The following SEMA3A variants were observed in gnomAD, a reference collection of about 807,000 sequenced individuals.
The protein encoded by SEMA3A is semaphorin-3A.
SEMA3A carries 29 observed loss-of-function variants against 97.9 expected under a neutral mutation model. That is an observed-to-expected ratio of 0.30 (90% CI 0.22 to 0.40). The LOEUF is 0.40. Ranked by LOEUF, SEMA3A falls within the 10% of genes least tolerant of loss-of-function variation. The probability of loss-of-function intolerance (pLI) is 1.00; values close to 1 mark genes in which losing one functional copy is unlikely to be tolerated. For synonymous variants in SEMA3A, 321 were observed against 323.7 expected, an observed-to-expected ratio of 0.99 and a Z score of 0.09; for missense variants, 763 against 951.3, an observed-to-expected ratio of 0.80 and a Z score of 2.60.
intron 2 of SEMA3A, among the ~76,000 whole-genome samples, chr7:84,369,529 G>A (rs1409394868): frequency 6.6e-6 from 1 of 151,062 alleles, no homozygotes; most frequent in Non-Finnish European, 1.5e-5. Context: ...GTCTTCAGAT[G>A]ATTATATTGA....
chr7:84,173,287 G>A (rs944995530), intron 1 of SEMA3A, among the ~76,000 whole-genome samples: 9 of 151,998 alleles, frequency 5.9e-5, no homozygotes, highest in African/African-American at 2.2e-4. Flanking sequence ...CAGGCGCGGT[G>A]GCTCACGTCC....
chr7:84,450,123 G>A (rs1020951465), intron 1 of SEMA3A, among the ~76,000 whole-genome samples: 5 of 152,068 alleles, frequency 3.3e-5, no homozygotes, highest in Non-Finnish European at 5.9e-5. Context: ...GGGTCATAAG[G>A]TAGTTTTATA....
intron 2 of SEMA3A, among the ~76,000 whole-genome samples, chr7:84,319,645 G>A (rs1801598689): frequency 1.3e-5 from 2 of 151,988 alleles, no homozygotes; most frequent in African/African-American, 4.8e-5. Context: ...ACAAACCACA[G>A]TGGTATTAGC....
intron 1 of SEMA3A, among the ~76,000 whole-genome samples, chr7:84,429,550 C>CGA (rs202072224): frequency 0.071 from 4,144 of 58,258 alleles, 352 homozygotes; most frequent in East Asian, 0.44. Flanking sequence ...ATATATATAG[C>CGA]GAGAGAGAGA....
chr7:84,484,981 T>G (rs926719498), intron 1 of SEMA3A, among the ~76,000 whole-genome samples: 18 of 152,226 alleles, frequency 1.2e-4, no homozygotes, highest in South Asian at 2.1e-4. Context: ...ATTAGTCATC[T>G]GAATAAATTT....
At chr7:84,155,943 G>C (rs1030880179) in intron 1 of SEMA3A, among the ~76,000 whole-genome samples, 2 of 152,000 alleles carry the variant, frequency 1.3e-5, no homozygotes. Context: ...CTCTGACTCT[G>C]TTTGACCACA....
intron 15 of SEMA3A, among the ~76,000 whole-genome samples, chr7:83,969,329 A>G (rs1788832842): frequency 6.7e-6 from 1 of 150,144 alleles, no homozygotes; most frequent in African/African-American, 2.5e-5. Context: ...TACAACCATC[A>G]AAGAAATATT....
chr7:84,345,992 T>C (rs1359755023), intron 2 of SEMA3A, among the ~76,000 whole-genome samples: 2 of 152,236 alleles, frequency 1.3e-5, no homozygotes, highest in Non-Finnish European at 2.9e-5. Context: ...TGAAAATCTG[T>C]TGTTTAGTCT....
intron 12 of SEMA3A, 145 bp downstream of exon 12, chr7:84,001,810 A>G (rs1355375405): frequency 6.8e-6 from 3 of 440,864 alleles, no homozygotes; most frequent in Non-Finnish European, 1.2e-5. Context: ...GTTTATTTTG[A>G]CTAGTGTCTG....
intron 1 of SEMA3A, among the ~76,000 whole-genome samples, chr7:84,439,612 T>C (rs1805220675): frequency 6.6e-6 from 1 of 152,188 alleles, no homozygotes; most frequent in Middle Eastern, 3.2e-3. Flanking sequence ...AAACAGTGAC[T>C]GTCAAAGGTT....
At chr7:84,425,454 C>T (rs1224847779) in intron 1 of SEMA3A, among the ~76,000 whole-genome samples, 2 of 133,218 alleles carry the variant, frequency 1.5e-5, no homozygotes, top group Non-Finnish European at 3.1e-5. Flanking sequence ...TATTTATATG[C>T]ATATAAATAT....
In SEMA3A at chr7:83,961,836, T is replaced by G. The variant is rs1584480664; in HGVS notation, c.1861-10A>C. 1 of 1,596,702 alleles carries G rather than the reference T, an allele frequency of 6.3e-7. No individual in the cohort carries two copies. ...GATCATCCACTCTGATCTAGCAGGTTAAAAAAAAGGCAGTGTAAAATATAC... is the reference window on the plus strand; with the variant it reads ...GATCATCCACTCTGATCTAGCAGGTGAAAAAAAAGGCAGTGTAAAATATAC... On this transcript the variant is annotated splice_polypyrimidine_tract_variant and intron_variant, in intron 16 of 16. Transcript: ENST00000265362.
rs1363243693 is a variant in SEMA3A at position 84,055,415 on chromosome 7, T to G, written c.547+5050A>C. 5.3e-5 allele frequency among the ~76,000 whole-genome samples: 8 copies of G among 152,222 alleles called. No homozygotes were observed. In the East Asian group the frequency reaches 9.7e-4, roughly 18 times the overall value. Reference sequence around the variant, plus strand: ...GGGATATAGTCTCCTGGTGCGCCGTTTTTTAAGCCCGTCGGAAAAGGGCAG... The same window carrying G: ...GGGATATAGTCTCCTGGTGCGCCGTGTTTTAAGCCCGTCGGAAAAGGGCAG... On this transcript the variant is annotated intron_variant, in intron 5 of 16. Coordinates refer to ENST00000265362, the MANE Select transcript of SEMA3A (RefSeq NM_006080.3).
chr7:83,984,984 G>A (rs941913640), intron 13 of SEMA3A, among the ~76,000 whole-genome samples: 4 of 152,096 alleles, frequency 2.6e-5, no homozygotes, highest in Admixed American at 6.5e-5. Flanking sequence ...CATATAGCCA[G>A]TGAATAATTT....
chr7:84,461,558 G>A (rs1805840873), intron 1 of SEMA3A, among the ~76,000 whole-genome samples: 1 of 151,536 alleles, frequency 6.6e-6, no homozygotes, highest in Non-Finnish European at 1.5e-5. Context: ...AATATTTTGT[G>A]CATTATAATC....
chr7:84,359,350 G>T (rs189780661), intron 2 of SEMA3A, among the ~76,000 whole-genome samples: 6 of 151,592 alleles, frequency 4.0e-5, no homozygotes, highest in South Asian at 4.2e-4. Context: ...TAGCATGAAG[G>T]GTTGTTGAAT....
At chr7:84,412,252 T>C (rs1804291007) in intron 1 of SEMA3A, among the ~76,000 whole-genome samples, 1 of 152,004 alleles carries the variant, frequency 6.6e-6, no homozygotes, top group Admixed American at 6.6e-5. Flanking sequence ...TCAAGCAGGG[T>C]CAGATTGGTT....
chr7:84,313,769 G>A (rs1426502478), intron 2 of SEMA3A, among the ~76,000 whole-genome samples: 1 of 151,816 alleles, frequency 6.6e-6, no homozygotes, highest in Non-Finnish European at 1.5e-5. Flanking sequence ...ACTTCTATAA[G>A]CCCTCTCACG....
intron 4 of SEMA3A, among the ~76,000 whole-genome samples, chr7:84,095,351 T>TTATACACACATATATATATA (rs1794735854): frequency 6.8e-5 from 2 of 29,624 alleles, no homozygotes; most frequent in Non-Finnish European, 1.6e-4. Flanking sequence ...TTTATATTTT[T>TTATACACACATATATATATA]TATATACATA....
Sources: allele counts gnomAD v4.1 joint callset (sites outside exome capture counted in the v4.1 genomes callset), GRCh38; gene constraint gnomAD v4.1.1; transcripts MANE v1.5; gene names NCBI Gene and HGNC (gene_info 2026-07-23, HGNC 2026-07-21).